Variants in PIK3R3 observed in about 807,000 individuals in gnomAD.
PIK3R3 encodes the protein phosphoinositide-3-kinase regulatory subunit 3.
A neutral mutation model predicts 62.9 loss-of-function variants in PIK3R3; 64 were observed. The observed-to-expected ratio is 1.02, with a 90% CI of 0.83 to 1.25. PIK3R3 has a LOEUF of 1.25. Ranked by LOEUF, PIK3R3 falls within the 50% of genes most tolerant of loss-of-function variation. The probability of loss-of-function intolerance (pLI) is 0.00; values close to 1 mark genes in which losing one functional copy is unlikely to be tolerated. For synonymous variants in PIK3R3, 165 were observed against 189.0 expected, an observed-to-expected ratio of 0.87 and a Z score of 1.04; for missense variants, 614 against 561.6, an observed-to-expected ratio of 1.09 and a Z score of -0.94.
At position 46,077,550 on chromosome 1, in the gene PIK3R3, T is replaced by G. The variant is rs1650175704; in HGVS notation, c.279A>C (p.Ser93=). The G allele has an allele frequency of 8.7e-6, 14 of 1,612,640 alleles. No homozygotes were observed. The highest frequency in any genetic ancestry group is 1.2e-5 in the Non-Finnish European group (14 of 1,178,672). ...AAGTATAATCTCCCTGCATTTTTGT[T>G]GAGGCATCTCGGACCAAGAAGGTCC... ...PDGTFLVRDA[S]TKMQGDYTLT... The change falls in exon 3 of 10, where the codon TCA becomes TCC. Residue 93 remains serine (S), a synonymous_variant. Coordinates refer to ENST00000262741, the MANE Select transcript of PIK3R3 (RefSeq NM_003629.4).
chr1:46,138,348 T>C, the PIK3R3 span, among the ~76,000 whole-genome samples: 2 of 152,316 alleles, frequency 1.3e-5, no homozygotes, highest in East Asian at 1.9e-4. Context: ...AGTTCCCTTA[T>C]TGGATAATTT....
intron 5 of PIK3R3, among the ~76,000 whole-genome samples, chr1:46,062,534 C>T (rs1648602166): frequency 6.6e-6 from 1 of 152,062 alleles, no homozygotes; most frequent in African/African-American, 2.4e-5. Flanking sequence ...GAAATTGTGC[C>T]ACTGCACTCC....
At chr1:46,117,266 C>T (rs1367066243) in intron 1 of PIK3R3, among the ~76,000 whole-genome samples, 1 of 151,912 alleles carries the variant, frequency 6.6e-6, no homozygotes, top group African/African-American at 2.4e-5. Context: ...GACCTCATCC[C>T]TACAAAAAAT....
At chr1:46,047,948 T>C (rs1647161489) in intron 7 of PIK3R3, 1 of 152,168 alleles carries the variant, frequency 6.6e-6, no homozygotes, top group African/African-American at 2.4e-5. Context: ...GCCCAGCTAA[T>C]TTTCGTATTT....
rs1647032595 is a variant in PIK3R3 at position 46,043,525 on chromosome 1, C to T, written c.*148G>A. ...AGGCCTCTAATGCCCCCATCCCGGCCGGCTGCTGCTCGGCCTCTCCACTTC... is the reference window on the plus strand; with the variant it reads ...AGGCCTCTAATGCCCCCATCCCGGCTGGCTGCTGCTCGGCCTCTCCACTTC... On this transcript the variant is annotated 3_prime_UTR_variant, in exon 10 of 10. Coordinates refer to ENST00000262741, the MANE Select transcript of PIK3R3 (RefSeq NM_003629.4). 3 of 678,542 alleles carry T rather than the reference C, an allele frequency of 4.4e-6. No individual in the cohort carries two copies. The highest frequency in any genetic ancestry group is 2.7e-5 in the East Asian group (1 of 36,522). The allele number at this position is 678,542 out of a possible 1,614,324, so 42.0% of individuals were successfully genotyped here.
At chr1:46,119,010 A>G (rs532259396) in intron 1 of PIK3R3, among the ~76,000 whole-genome samples, 3 of 152,082 alleles carry the variant, frequency 2.0e-5, no homozygotes, top group Non-Finnish European at 4.4e-5. Context: ...TTATATTTCC[A>G]TATGACCTGC....
intron 1 of PIK3R3, among the ~76,000 whole-genome samples, chr1:46,119,535 T>C (rs1404031420): frequency 1.3e-5 from 2 of 152,216 alleles, no homozygotes; most frequent in African/African-American, 4.8e-5. Context: ...TACTCCACTA[T>C]ACTGCCTCTA....
chr1:46,122,755 T>C (rs539709682), intron 1 of PIK3R3, among the ~76,000 whole-genome samples: 1 of 152,292 alleles, frequency 6.6e-6, no homozygotes, highest in Admixed American at 6.5e-5. Flanking sequence ...TTGCATTTTT[T>C]TTCATTATTC....
At chr1:46,083,825 G>C (rs935855379) in intron 1 of PIK3R3, among the ~76,000 whole-genome samples, 2 of 152,192 alleles carry the variant, frequency 1.3e-5, no homozygotes, top group South Asian at 4.1e-4. Flanking sequence ...CTCATAGACT[G>C]CTGGTGGGAA....
At chr1:46,169,143 C>T in the PIK3R3 span, among the ~76,000 whole-genome samples, 4 of 152,208 alleles carry the variant, frequency 2.6e-5, no homozygotes, top group Non-Finnish European at 5.9e-5. Flanking sequence ...TTACATTTTA[C>T]CTATTGAAGC....
At chr1:46,155,547 A>G in the PIK3R3 span, among the ~76,000 whole-genome samples, 1 of 151,954 alleles carries the variant, frequency 6.6e-6, no homozygotes, top group Non-Finnish European at 1.5e-5. Context: ...ACCAAAGCTC[A>G]GGTGATCCTC....
At chr1:46,163,983 C>A in the PIK3R3 span, among the ~76,000 whole-genome samples, 1 of 152,152 alleles carries the variant, frequency 6.6e-6, no homozygotes, top group Non-Finnish European at 1.5e-5. Flanking sequence ...GCACTAGGAC[C>A]AGCCCAGTGG....
rs1340105523 is a variant in PIK3R3 at position 46,042,629 on chromosome 1, G to C, written c.*1044C>G. 1 of 222,082 alleles carries C rather than the reference G, an allele frequency of 4.5e-6. No homozygotes were observed. Among genetic ancestry groups the C allele is most frequent in the Admixed American group, 5.7e-5 (1 of 17,400 alleles). The allele number at this position is 222,082 out of a possible 1,614,324, so 13.8% of individuals were successfully genotyped here. A position where few individuals can be genotyped will look rare whatever the true frequency, so the allele number is the denominator to read the frequency against. The stretch of plus-strand genomic sequence containing the variant: ...ATTTCTGCAGGGCCTTTAAACTTGG[G>C]GAAGCACATATAATAATGTTGTTCT... On this transcript the variant is annotated 3_prime_UTR_variant, in exon 10 of 10. Coordinates refer to ENST00000262741, the MANE Select transcript of PIK3R3 (RefSeq NM_003629.4). The surrounding 1 kb of genome is among the most constrained non-coding windows in gnomAD (Gnocchi z 4.3).
intron 9 of PIK3R3, among the ~76,000 whole-genome samples, chr1:46,045,160 A>G (rs1647076702): frequency 6.6e-6 from 1 of 152,230 alleles, no homozygotes; most frequent in Non-Finnish European, 1.5e-5. Flanking sequence ...TAAAGTAGGT[A>G]TTATCCTTAT....
chr1:46,067,058 A>G lies in PIK3R3; in HGVS notation c.348T>C (p.Tyr116=). 6.3e-7 allele frequency: 1 copy of G among 1,591,482 alleles called. No individual in the cohort carries two copies. Among genetic ancestry groups the G allele is most frequent in the Non-Finnish European group, 8.5e-7 (1 of 1,170,792 alleles). Residue 116 remains tyrosine, a synonymous_variant, in exon 4 of 10, where the codon TAT becomes TAC. Coordinates refer to ENST00000262741, the MANE Select transcript of PIK3R3 (RefSeq NM_003629.4). ...AAAAGCCATATTTACCATCCCGGTG[A>G]TAGATCTTTATTAACTTATTATTGC... is the stretch of plus-strand genomic sequence containing the variant. ...KGGNNKLIKI[Y]HRDGKYGFSD... is the part of the protein sequence containing the mutation.
intron 3 of PIK3R3, among the ~76,000 whole-genome samples, chr1:46,076,449 G>C (rs926641453): frequency 6.6e-6 from 1 of 152,228 alleles, no homozygotes; most frequent in Admixed American, 6.5e-5. Context: ...AAAGTGTTTA[G>C]CAGTCTCCGT....
At chr1:46,115,768 C>T (rs1654129884) in intron 1 of PIK3R3, among the ~76,000 whole-genome samples, 1 of 152,200 alleles carries the variant, frequency 6.6e-6, no homozygotes, top group South Asian at 2.1e-4. Flanking sequence ...TCCTCTACCA[C>T]AGATAAGTGT....
At chr1:46,065,981 A>C (rs968009595) in intron 5 of PIK3R3, 73 bp downstream of exon 5, 22 of 1,346,074 alleles carry the variant, frequency 1.6e-5, no homozygotes, top group Non-Finnish European at 2.1e-5. Flanking sequence ...AAGATCATCA[A>C]GTGAATGATC....
chr1:46,134,108 A>G (rs1277841257), upstream of PIK3R3, among the ~76,000 whole-genome samples: 2 of 152,310 alleles, frequency 1.3e-5, no homozygotes, highest in South Asian at 2.1e-4. Flanking sequence ...ATACCCTACA[A>G]TACAGTCTGA....
Sources: gnomAD v4.1 joint callset for allele counts (sites outside exome capture counted in the v4.1 genomes callset) on GRCh38, gnomAD v4.1.1 for gene constraint, Gnocchi (gnomAD v3.1) non-coding constraint, MANE v1.5 for transcripts, NCBI Gene and HGNC (gene_info 2026-07-23, HGNC 2026-07-21) for gene names.